Variants in GALNTL6 observed in about 807,000 individuals in gnomAD.
The protein encoded by GALNTL6 is polypeptide N-acetylgalactosaminyltransferase like 6.
Under a neutral mutation model 73.7 loss-of-function variants are expected in GALNTL6, and 46 were observed. That is an observed-to-expected ratio of 0.62 (90% CI 0.49 to 0.80). GALNTL6 has a LOEUF of 0.80. GALNTL6 is among the 30% of genes least tolerant of loss of function. GALNTL6 has a pLI of 0.00. For synonymous variants in GALNTL6, 259 were observed against 263.7 expected (o/e 0.98, Z 0.17); for missense variants, 604 against 755.0 (o/e 0.80, Z 2.34).
intron 7 of GALNTL6, among the ~76,000 whole-genome samples, chr4:172,867,772 TG>T (rs1424494049): frequency 1.3e-5 from 2 of 152,224 alleles, no homozygotes; most frequent in African/African-American, 4.8e-5. Context: ...GCAAAATTAA[TG>T]GCTTTCTCTT....
chr4:172,944,681 T>C (rs374103232), intron 9 of GALNTL6, among the ~76,000 whole-genome samples: 8 of 152,234 alleles, frequency 5.3e-5, no homozygotes, highest in African/African-American at 1.7e-4. Context: ...TTATTTGTAA[T>C]AGCCCCAAAC....
intron 2 of GALNTL6, among the ~76,000 whole-genome samples, chr4:171,932,344 C>T (rs918045830): frequency 2.0e-5 from 3 of 152,068 alleles, no homozygotes; most frequent in Non-Finnish European, 4.4e-5. Flanking sequence ...CCTTTTTTTC[C>T]GTAGTCAACA....
intron 5 of GALNTL6, among the ~76,000 whole-genome samples, chr4:172,560,951 A>G (rs1353327085): frequency 2.0e-5 from 3 of 152,182 alleles, no homozygotes; most frequent in East Asian, 3.9e-4. Context: ...ATTTAAGCAC[A>G]TAAGTTAAAA....
chr4:172,708,189 T>C (rs1329404892), intron 5 of GALNTL6, among the ~76,000 whole-genome samples: 1 of 152,170 alleles, frequency 6.6e-6, no homozygotes, highest in Non-Finnish European at 1.5e-5. Context: ...TAGCTGGAAC[T>C]ACAGGCACAT....
chr4:172,204,099 TCAATTAAAAA>T (rs951230231), intron 2 of GALNTL6, among the ~76,000 whole-genome samples: 10 of 152,178 alleles, frequency 6.6e-5, no homozygotes, highest in Non-Finnish European at 4.4e-5. Context: ...TATTTATCTA[TCAATTAAAAA>T]TTATGTGAGA....
At chr4:172,023,946 T>C (rs1057097106) in intron 2 of GALNTL6, among the ~76,000 whole-genome samples, 5 of 151,898 alleles carry the variant, frequency 3.3e-5, no homozygotes, top group Non-Finnish European at 5.9e-5. Context: ...AAGCATTTTT[T>C]GTTCTAAGAC....
chr4:172,149,445 C>G (rs1322931489), intron 2 of GALNTL6, among the ~76,000 whole-genome samples: 3 of 152,060 alleles, frequency 2.0e-5, no homozygotes, highest in Non-Finnish European at 4.4e-5. Flanking sequence ...CTCTCTCTCT[C>G]TAGGTCCCTT....
intron 2 of GALNTL6, among the ~76,000 whole-genome samples, chr4:171,900,020 A>G (rs969422277): frequency 1.3e-5 from 2 of 152,180 alleles, no homozygotes; most frequent in African/African-American, 4.8e-5. Flanking sequence ...TTCTGAATAT[A>G]TCAAATATTT....
rs1421592289 is a variant in GALNTL6 at position 172,952,056 on chromosome 4, A to G, written c.1169A>G (p.Glu390Gly). ...SLARNLKRVA[E>G]TWMDEFAEYI... ...GCACAGAACCTGAAGCGGGTAGCTGAGACCTGGATGGATGAATTTGCCGAG... is the reference window on the plus strand; with the variant it reads ...GCACAGAACCTGAAGCGGGTAGCTGGGACCTGGATGGATGAATTTGCCGAG... The change falls in exon 10 of 13, where the codon GAG (glutamate) becomes GGG (glycine). Residue 390 changes from glutamate to glycine, a missense_variant. By Grantham distance (98) the Glu-to-Gly change is moderately conservative. This residue lies in a region of GALNTL6 where 261 missense variants were observed against 296.5 expected (regional missense o/e 0.88). Coordinates refer to ENST00000506823, the MANE Select transcript of GALNTL6 (RefSeq NM_001034845.3). The G allele has an allele frequency of 6.2e-7, 1 of 1,613,994 alleles. No homozygotes were observed. Among genetic ancestry groups the G allele is most frequent in the South Asian group, 1.1e-5 (1 of 91,064 alleles).
chr4:172,320,612 C>T (rs955399838), intron 4 of GALNTL6, among the ~76,000 whole-genome samples: 4 of 152,064 alleles, frequency 2.6e-5, no homozygotes, highest in Non-Finnish European at 5.9e-5. Context: ...TTGGGAGGAT[C>T]CCTCCTGGTG....
intron 3 of GALNTL6, among the ~76,000 whole-genome samples, chr4:172,264,316 A>G (rs2111042040): frequency 6.6e-6 from 1 of 151,018 alleles, no homozygotes; most frequent in African/African-American, 2.4e-5. Flanking sequence ...GATGTCTCAT[A>G]TGCTGTTTAA....
At chr4:172,835,122 C>A (rs1742837602) in intron 7 of GALNTL6, among the ~76,000 whole-genome samples, 1 of 152,182 alleles carries the variant, frequency 6.6e-6, no homozygotes, top group Admixed American at 6.5e-5. Flanking sequence ...CCAGCTTCTG[C>A]CCTACCAAGG....
intron 5 of GALNTL6, among the ~76,000 whole-genome samples, chr4:172,374,634 G>A (rs867231233): frequency 3.9e-4 from 59 of 152,156 alleles, no homozygotes; most frequent in African/African-American, 1.3e-3. Flanking sequence ...TTATGACTCC[G>A]GTCCCTGTGA....
At chr4:172,088,093 T>C (rs868079107) in intron 2 of GALNTL6, among the ~76,000 whole-genome samples, 1 of 152,160 alleles carries the variant, frequency 6.6e-6, no homozygotes, top group Non-Finnish European at 1.5e-5. Context: ...TAATTGCCCA[T>C]CATTCTTCCA....
At chr4:171,928,013 A>T (rs1403509043) in intron 2 of GALNTL6, among the ~76,000 whole-genome samples, 8 of 152,162 alleles carry the variant, frequency 5.3e-5, no homozygotes, top group Non-Finnish European at 1.2e-4. Flanking sequence ...TATTCCCAGT[A>T]TTAAAAAATG....
intron 2 of GALNTL6, among the ~76,000 whole-genome samples, chr4:172,187,242 A>G (rs999655033): frequency 2.0e-5 from 3 of 152,220 alleles, no homozygotes; most frequent in East Asian, 1.9e-4. Flanking sequence ...CCAGTGTGGA[A>G]CATAAGACTT....
chr4:172,746,179 G>T (rs1024879161), intron 5 of GALNTL6, among the ~76,000 whole-genome samples: 2 of 151,940 alleles, frequency 1.3e-5, no homozygotes, highest in African/African-American at 4.8e-5. Context: ...GCTGTGTTTT[G>T]TTAGGCAGGT....
chr4:172,990,368 C>T (rs113576794), intron 10 of GALNTL6, among the ~76,000 whole-genome samples: 1 of 152,004 alleles, frequency 6.6e-6, no homozygotes. Flanking sequence ...TTGTTAAAAG[C>T]TATAAATAGC....
chr4:171,868,932 C>T (rs1465508084), intron 2 of GALNTL6, among the ~76,000 whole-genome samples: 1 of 152,170 alleles, frequency 6.6e-6, no homozygotes, highest in African/African-American at 2.4e-5. Flanking sequence ...CCACCCTCCT[C>T]GGCCTGCCAA....
Sources: gnomAD v4.1 joint callset for allele counts (sites outside exome capture counted in the v4.1 genomes callset) on GRCh38, gnomAD v4.1.1 for gene constraint, gnomAD v4.1.1 regional missense constraint, MANE v1.5 for transcripts, NCBI Gene and HGNC (gene_info 2026-07-23, HGNC 2026-07-21) for gene names.